The following COL24A1 variants were observed in gnomAD, a reference collection of about 807,000 sequenced individuals.
COL24A1 encodes the protein collagen type XXIV alpha 1 chain, also known as collagen alpha-1(XXIV) chain.
COL24A1 carries 224 observed loss-of-function variants against 253.9 expected under a neutral mutation model. The ratio of observed to expected loss-of-function variants is 0.88; its 90% confidence interval spans 0.79 to 0.99. The LOEUF is 0.99. Among genes scored for constraint, COL24A1 ranks in the 50% least tolerant of loss-of-function variants. COL24A1 has a pLI of 0.00. For synonymous variants in COL24A1, 685 were observed against 673.7 expected (o/e 1.02, Z -0.26); for missense variants, 2,131 against 2,068.5 (o/e 1.03, Z -0.59).
intron 32 of COL24A1, among the ~76,000 whole-genome samples, chr1:85,882,829 A>T (rs1571064938): frequency 6.6e-6 from 1 of 152,206 alleles, no homozygotes; most frequent in Non-Finnish European, 1.5e-5. Flanking sequence ...GCTTGGAGAA[A>T]TGACCCTGCT....
At chr1:85,994,990 T>G (rs1694639499) in intron 19 of COL24A1, among the ~76,000 whole-genome samples, 1 of 152,188 alleles carries the variant, frequency 6.6e-6, no homozygotes, top group Admixed American at 6.5e-5. Flanking sequence ...CCTTCTGTAA[T>G]TCTATGTATT....
intron 19 of COL24A1, among the ~76,000 whole-genome samples, chr1:86,010,440 C>T (rs1696384465): frequency 6.6e-6 from 1 of 152,022 alleles, no homozygotes; most frequent in South Asian, 2.1e-4. Flanking sequence ...GATTATAAAA[C>T]AGTCCTCAAA....
chr1:86,113,320 A>T (rs1431200088), intron 4 of COL24A1, among the ~76,000 whole-genome samples: 1 of 152,308 alleles, frequency 6.6e-6, no homozygotes, highest in East Asian at 1.9e-4. Context: ...CACCCTCTCC[A>T]AGAAAGCCTT....
chr1:86,131,445 G>C (rs1189999003), intron 2 of COL24A1, among the ~76,000 whole-genome samples: 3 of 151,896 alleles, frequency 2.0e-5, no homozygotes, highest in Non-Finnish European at 4.4e-5. Flanking sequence ...CATGTGCCAT[G>C]TTGGTGTGCT....
intron 7 of COL24A1, among the ~76,000 whole-genome samples, chr1:86,074,859 C>T (rs992503310): frequency 1.3e-5 from 2 of 152,074 alleles, no homozygotes; most frequent in African/African-American, 4.8e-5. Context: ...CCAATGAGAA[C>T]AAAGACACAA....
At chr1:85,977,202 G>C (rs958526303) in intron 20 of COL24A1, among the ~76,000 whole-genome samples, 1 of 152,148 alleles carries the variant, frequency 6.6e-6, no homozygotes, top group Non-Finnish European at 1.5e-5. Context: ...TCACCCCATG[G>C]GACAAATTAA....
intron 47 of COL24A1, among the ~76,000 whole-genome samples, chr1:85,805,717 C>T (rs1244942353): frequency 7.2e-5 from 11 of 152,168 alleles, no homozygotes; most frequent in South Asian, 2.1e-4. Flanking sequence ...ACTTATGGTA[C>T]GTGGGCAAGT....
chr1:85,880,796 C>T (rs1681748696), intron 32 of COL24A1, among the ~76,000 whole-genome samples: 1 of 151,460 alleles, frequency 6.6e-6, no homozygotes, highest in Non-Finnish European at 1.5e-5. Context: ...ATTACATTTT[C>T]ATTTAGCTTA....
At chr1:85,748,591 CG>C (rs1665550497) in intron 55 of COL24A1, among the ~76,000 whole-genome samples, 1 of 150,642 alleles carries the variant, frequency 6.6e-6, no homozygotes, top group South Asian at 2.1e-4. Context: ...ACGCAGAAGA[CG>C]GGTGATTTCT....
At chr1:86,113,767 C>T (rs575454668) in intron 4 of COL24A1, among the ~76,000 whole-genome samples, 1 of 122,470 alleles carries the variant, frequency 8.2e-6, no homozygotes, top group South Asian at 2.7e-4. Flanking sequence ...CCCTGGAGAT[C>T]AAGGCTACAG....
At chr1:85,907,059 T>A (rs1045662510) in intron 28 of COL24A1, 135 bp downstream of exon 28, 2 of 604,000 alleles carry the variant, frequency 3.3e-6, no homozygotes, top group African/African-American at 3.7e-5. Context: ...TCATCTAATA[T>A]AATGAAAATA....
At chr1:86,081,761 A>G (rs901983028) in intron 7 of COL24A1, among the ~76,000 whole-genome samples, 4 of 152,202 alleles carry the variant, frequency 2.6e-5, no homozygotes, top group Admixed American at 6.6e-5. Context: ...CATACTTAAT[A>G]TACTGTGGCA....
rs570907541 is a variant in COL24A1, at chr1:85,925,458, C to A, written c.2563-14025G>T. ...CTACAGTAACCAAAACAGCATGGTA[C>A]TGTTACCAAAACAGAGCTATAGATC... On this transcript the variant is annotated intron_variant, in intron 24 of 59. Coordinates refer to ENST00000370571, the MANE Select transcript of COL24A1 (RefSeq NM_152890.7). Among the ~76,000 whole-genome samples the A allele has an allele frequency of 3.3e-4, 51 of 152,288 alleles. 1 individual carries two copies. Among genetic ancestry groups the A allele is most frequent in the African/African-American group, 1.1e-3 (44 of 41,530 alleles).
chr1:85,734,983 T>C lies in COL24A1; in HGVS notation c.4783-19A>G, dbSNP rs1557925352. ...ACTCCAACTAATGTCATAGAAATGA[T>C]ATGCAGGTTATAACATGGCAATTGA... On this transcript the variant is annotated intron_variant, in intron 58 of 59. Transcript: ENST00000370571. The C allele has an allele frequency of 1.9e-6, 3 of 1,610,030 alleles. No individual in the cohort carries two copies. The highest frequency in any genetic ancestry group is 2.5e-6 in the Non-Finnish European group (3 of 1,176,488).
intron 12 of COL24A1, among the ~76,000 whole-genome samples, chr1:86,045,393 T>G (rs765131347): frequency 2.6e-5 from 4 of 152,160 alleles, no homozygotes; most frequent in Admixed American, 1.3e-4. Flanking sequence ...ATTAATAGCA[T>G]ACATTGATAG....
intron 47 of COL24A1, among the ~76,000 whole-genome samples, chr1:85,804,724 G>C (rs1038216314): frequency 6.6e-6 from 1 of 152,126 alleles, no homozygotes; most frequent in African/African-American, 2.4e-5. Flanking sequence ...CCACAATTCA[G>C]TCATCTCCCA....
At chr1:86,120,164 T>G (rs553249917) in intron 3 of COL24A1, among the ~76,000 whole-genome samples, 2 of 152,204 alleles carry the variant, frequency 1.3e-5, no homozygotes, top group Non-Finnish European at 2.9e-5. Flanking sequence ...AAGACTTAAA[T>G]GTTAGACCTA....
chr1:86,115,421 C>A (rs780304120), intron 3 of COL24A1, 43 bp from the exon 4 acceptor site: 16 of 1,560,264 alleles, frequency 1.0e-5, no homozygotes, highest in Middle Eastern at 1.7e-4. Context: ...ATAGTGGACA[C>A]ATTTATTTTC....
At position 85,777,885 on chromosome 1, in the gene COL24A1, A is replaced by G. The variant is rs1463486284; in HGVS notation, c.4339-2176T>C. ...ATTTAGGTGAGTGTCTTTTTATTAT[A>G]AAACAATAGTTGAACTTTTGGATTT... On this transcript the variant is annotated intron_variant, in intron 52 of 59. Coordinates refer to ENST00000370571, the MANE Select transcript of COL24A1 (RefSeq NM_152890.7). Among the ~76,000 whole-genome samples, 3 of 152,232 alleles carry G rather than the reference A, an allele frequency of 2.0e-5. No individual in the cohort carries two copies. In the East Asian group the frequency reaches 5.8e-4, roughly 29 times the overall value.
Sources: allele counts gnomAD v4.1 joint callset (sites outside exome capture counted in the v4.1 genomes callset), GRCh38; gene constraint gnomAD v4.1.1; transcripts MANE v1.5; gene names NCBI Gene and HGNC (gene_info 2026-07-23, HGNC 2026-07-21).